The following CCR6 variants were observed in gnomAD, a reference collection of about 807,000 sequenced individuals.
The protein encoded by CCR6 is C-C motif chemokine receptor 6.
Under a neutral mutation model 3.0 loss-of-function variants are expected in CCR6, and 2 were observed. The ratio of observed to expected loss-of-function variants is 0.66; its 90% CI spans 0.27 to 2.07. CCR6 has a LOEUF of 2.07. Ranked by LOEUF, CCR6 falls within the 30% of genes most tolerant of loss-of-function variation. The probability of loss-of-function intolerance (pLI) is 0.14; values close to 1 mark genes in which losing one functional copy is unlikely to be tolerated. For missense variants in CCR6, 322 were observed against 462.8 expected (o/e 0.70, Z 2.79); for synonymous variants, 193 against 184.3 (o/e 1.05, Z -0.38).
At chr6:167,125,810 T>G (rs1039119354) in intron 1 of CCR6, among the ~76,000 whole-genome samples, 6 of 152,238 alleles carry the variant, frequency 3.9e-5, no homozygotes, top group African/African-American at 1.4e-4. Flanking sequence ...TAATAAAAGT[T>G]GTACTAGGAA....
upstream of CCR6, among the ~76,000 whole-genome samples, chr6:167,119,730 T>C (rs1781558549): frequency 6.6e-6 from 1 of 152,246 alleles, no homozygotes; most frequent in South Asian, 2.1e-4. Context: ...TACTAGAGAA[T>C]TTGCTGATGT....
rs114380028 is a variant in CCR6 at position 167,113,485 on chromosome 6, G to A, written c.-98+1471G>A. Among the ~76,000 whole-genome samples, 313 of 152,304 alleles carry A rather than the reference G, an allele frequency of 2.1e-3. 2 individuals carry two copies. The highest frequency in any genetic ancestry group is 7.2e-3 in the African/African-American group (299 of 41,568). The stretch of plus-strand genomic sequence containing the variant: ...GACCTCACATGGGCCCATTTAATGC[G>A]GAAGCAGATACTGTAGTTCCAAGTA... On this transcript the variant is annotated intron_variant, in intron 1 of 2. Transcript: ENST00000400926.
upstream of CCR6, among the ~76,000 whole-genome samples, chr6:167,121,922 G>C (rs1166977315): frequency 6.6e-6 from 1 of 152,192 alleles, no homozygotes; most frequent in Admixed American, 6.5e-5. Flanking sequence ...GGGGCCAGCA[G>C]AGTCTTTGGA....
At chr6:167,125,058 T>A (rs1322084866) in intron 1 of CCR6, among the ~76,000 whole-genome samples, 1 of 151,812 alleles carries the variant, frequency 6.6e-6, no homozygotes, top group Admixed American at 6.6e-5. Context: ...TATGCAGGCA[T>A]ATGCACACTG....
intron 1 of CCR6, among the ~76,000 whole-genome samples, chr6:167,130,976 A>ACCCTCCCTCTGGACCC (rs1781749433): frequency 8.3e-6 from 1 of 120,686 alleles, no homozygotes; most frequent in Non-Finnish European, 1.7e-5. Context: ...CTCTGGGACC[A>ACCCTCCCTCTGGACCC]CCCTCCCTCT....
At chr6:167,114,632 C>G (rs1295361807) in intron 1 of CCR6, among the ~76,000 whole-genome samples, 1 of 152,214 alleles carries the variant, frequency 6.6e-6, no homozygotes, top group Non-Finnish European at 1.5e-5. Flanking sequence ...GCCCCCTGGC[C>G]GAGGCCTGCT....
At chr6:167,112,612 G>A (rs1781432407) in intron 1 of CCR6, among the ~76,000 whole-genome samples, 1 of 152,156 alleles carries the variant, frequency 6.6e-6, no homozygotes, top group African/African-American at 2.4e-5. Context: ...GCAGAATGGG[G>A]GGTGCTGGTG....
rs866072975 is a variant in CCR6, at chr6:167,135,553, G to A, written c.-97-485G>A. On this transcript the variant is annotated intron_variant, in intron 1 of 2. Transcript: ENST00000341935. Reference sequence around the variant, plus strand: ...ATCATCACTGACATATATTGTGAACGATTTAAAGCCCGGGACTATGAATTA... The same window carrying A: ...ATCATCACTGACATATATTGTGAACAATTTAAAGCCCGGGACTATGAATTA... Among the ~76,000 whole-genome samples, 23 of 152,322 alleles carry A rather than the reference G, an allele frequency of 1.5e-4. 1 individual carries two copies. The highest frequency in any genetic ancestry group is 3.4e-3 in the Middle Eastern group (1 of 294).
chr6:167,112,882 G>A (rs1582987856), intron 1 of CCR6, among the ~76,000 whole-genome samples: 1 of 152,164 alleles, frequency 6.6e-6, no homozygotes, highest in South Asian at 2.1e-4. Flanking sequence ...AATTCTTGAT[G>A]CTGCAATGCA....
At position 167,138,929 on chromosome 6, in the gene CCR6, A is replaced by C. The variant is rs962065709; in HGVS notation, c.*1574A>C. ...GGGTGACAAAGCGAGACTCCATCTC[A>C]AAAAAAAAAAAAAAAAAAAAGGAAA... On this transcript the variant is annotated 3_prime_UTR_variant, in exon 3 of 3. Coordinates refer to ENST00000341935, the MANE Select transcript of CCR6 (RefSeq NM_031409.4). The C allele has an allele frequency of 7.6e-5, 1 of 13,120 alleles. No individual in the cohort carries two copies. Among genetic ancestry groups the C allele is most frequent in the African/African-American group, 9.2e-5 (1 of 10,898 alleles). 0.8% of individuals were successfully genotyped at this position (13,120 alleles called of 1,614,324 possible). A position where few individuals can be genotyped will look rare whatever the true frequency, so the allele number is the denominator to read the frequency against.
chr6:167,113,104 G>T (rs1251084288), intron 1 of CCR6, among the ~76,000 whole-genome samples: 1 of 151,798 alleles, frequency 6.6e-6, no homozygotes. Context: ...CTTACCTGGA[G>T]CTCTCTTATC....
chr6:167,128,822 C>T (rs1781710759), intron 1 of CCR6, among the ~76,000 whole-genome samples: 1 of 152,200 alleles, frequency 6.6e-6, no homozygotes, highest in Non-Finnish European at 1.5e-5. Context: ...GATCCGCCTG[C>T]CTTGGCCTCC....
chr6:167,119,999 TG>T (rs1189157739), upstream of CCR6, among the ~76,000 whole-genome samples: 2 of 152,256 alleles, frequency 1.3e-5, no homozygotes, highest in African/African-American at 4.8e-5. Flanking sequence ...TAATTTGTTT[TG>T]TTTTTTAAAA....
At chr6:167,133,741 A>G (rs2114935259) in intron 1 of CCR6, among the ~76,000 whole-genome samples, 1 of 151,756 alleles carries the variant, frequency 6.6e-6, no homozygotes, top group South Asian at 2.1e-4. Flanking sequence ...TGAACATGAA[A>G]TGTCATTGAA....
rs1781844179 is a variant in CCR6, at chr6:167,135,991, G to T, written c.-97-47G>T. The stretch of plus-strand genomic sequence containing the variant: ...GTAACTTAACTGTCTGGCTCTCCAG[G>T]AATACCTGTGTTAACTGTAGTGCAT... On this transcript the variant is annotated intron_variant, in intron 1 of 2. Coordinates refer to ENST00000341935, the MANE Select transcript of CCR6 (RefSeq NM_031409.4). 10 of 828,466 alleles carry T rather than the reference G, an allele frequency of 1.2e-5. No individual in the cohort carries two copies. In the South Asian group the frequency reaches 1.5e-4, roughly 12 times the overall value. 51.3% of individuals were successfully genotyped at this position (828,466 alleles called of 1,614,324 possible).
chr6:167,133,291 A>G (rs1036381570), intron 1 of CCR6, among the ~76,000 whole-genome samples: 2 of 152,280 alleles, frequency 1.3e-5, no homozygotes, highest in East Asian at 1.9e-4. Context: ...ACCTTTTGCA[A>G]ATGGTGTGAG....
chr6:167,127,494 G>A (rs73023600), intron 1 of CCR6, among the ~76,000 whole-genome samples: 2 of 152,242 alleles, frequency 1.3e-5, no homozygotes, highest in Admixed American at 6.5e-5. Flanking sequence ...AGCATCTCTT[G>A]GAACTCACTT....
chr6:167,127,956 G>A (rs972607150), intron 1 of CCR6, among the ~76,000 whole-genome samples: 1 of 152,264 alleles, frequency 6.6e-6, no homozygotes, highest in Non-Finnish European at 1.5e-5. Context: ...CACGTTGGCT[G>A]TCAGCAGAGG....
upstream of CCR6, among the ~76,000 whole-genome samples, chr6:167,122,295 G>C (rs903844709): frequency 6.6e-6 from 1 of 152,216 alleles, no homozygotes; most frequent in Non-Finnish European, 1.5e-5. The surrounding 1 kb of genome is among the most constrained non-coding windows in gnomAD (Gnocchi z 4.2). Context: ...CAGCAACCCA[G>C]GTGCGAACAG....
Sources: gnomAD v4.1 joint callset for allele counts (sites outside exome capture counted in the v4.1 genomes callset) on GRCh38, gnomAD v4.1.1 for gene constraint, Gnocchi (gnomAD v3.1) non-coding constraint, MANE v1.5 for transcripts, NCBI Gene and HGNC (gene_info 2026-07-23, HGNC 2026-07-21) for gene names.